NCKAP5: variants seen among roughly 807,000 people sequenced by gnomAD.
NCKAP5 encodes NCK associated protein 5.
In NCKAP5, 92 loss-of-function variants were observed where a neutral mutation model predicts 167.0. The observed-to-expected ratio is 0.55, with a 90% CI of 0.47 to 0.66. The LOEUF is 0.66. Ranked by LOEUF, NCKAP5 falls within the 30% of genes least tolerant of loss-of-function variation. The pLI is 0.00. For synonymous variants in NCKAP5, 891 were observed against 877.4 expected, an observed-to-expected ratio of 1.02 and a Z score of -0.27; for missense variants, 2,378 against 2,315.0, an observed-to-expected ratio of 1.03 and a Z score of -0.56.
rs530089385 is a variant in NCKAP5 at position 132,947,904 on chromosome 2, A to G, written c.579+15816T>C. On this transcript the variant is annotated intron_variant, in intron 8 of 19. Coordinates refer to ENST00000409261, the MANE Select transcript of NCKAP5 (RefSeq NM_207363.3). ...TATTCTTCGGGAAGGATTACTATAT[A>G]CCTTCTGCTATGAAATTAACCCCAG... 3.9e-5 allele frequency among the ~76,000 whole-genome samples: 6 copies of G among 152,172 alleles called. No homozygotes were observed. In the South Asian group the frequency reaches 1.2e-3, roughly 32 times the overall value.
the NCKAP5 span, among the ~76,000 whole-genome samples, chr2:133,590,851 G>A: frequency 9.9e-5 from 15 of 152,128 alleles, no homozygotes; most frequent in African/African-American, 3.4e-4. Context: ...TCATGTTTCC[G>A]AAAGTTTGTT....
chr2:132,965,659 T>C (rs2076637892), intron 7 of NCKAP5, among the ~76,000 whole-genome samples: 1 of 152,142 alleles, frequency 6.6e-6, no homozygotes. Flanking sequence ...ATTTCATCAT[T>C]GTGTAAACAT....
At chr2:133,588,073 G>A in the NCKAP5 span, among the ~76,000 whole-genome samples, 54 of 152,208 alleles carry the variant, frequency 3.5e-4, no homozygotes, top group South Asian at 0.011. Flanking sequence ...TTGATGCCAT[G>A]TCATAAGTGT....
chr2:133,113,791 C>A (rs1027377314), intron 6 of NCKAP5, among the ~76,000 whole-genome samples: 2 of 152,150 alleles, frequency 1.3e-5, no homozygotes, highest in Non-Finnish European at 2.9e-5. Context: ...AGGGTGTACA[C>A]ACATGTGCAC....
At chr2:132,705,397 C>CT (rs369071081) in intron 19 of NCKAP5, among the ~76,000 whole-genome samples, 13 of 152,266 alleles carry the variant, frequency 8.5e-5, no homozygotes, top group African/African-American at 3.1e-4. Flanking sequence ...TCCAATCAGA[C>CT]TACCCCTATC....
chr2:133,633,757 G>A, the NCKAP5 span, among the ~76,000 whole-genome samples: 2 of 152,180 alleles, frequency 1.3e-5, no homozygotes, highest in Non-Finnish European at 2.9e-5. Context: ...AGGGGGATTT[G>A]AACCCAAGTT....
chr2:133,296,292 T>C (rs111470027), intron 4 of NCKAP5, among the ~76,000 whole-genome samples: 1 of 152,064 alleles, frequency 6.6e-6, no homozygotes, highest in South Asian at 2.1e-4. Flanking sequence ...TTCGACTCCC[T>C]ATGATTTCAT....
At chr2:133,226,604 A>AACACACACACACACACACACAC (rs3051222) in intron 4 of NCKAP5, among the ~76,000 whole-genome samples, 42 of 139,258 alleles carry the variant, frequency 3.0e-4, no homozygotes, top group Non-Finnish European at 4.8e-4. Context: ...TTTGAAGATA[A>AACACACACACACACACACACAC]ACACACACAC....
At chr2:132,912,291 T>C (rs141123595) in intron 8 of NCKAP5, among the ~76,000 whole-genome samples, 1,632 of 152,266 alleles carry the variant, frequency 0.011, 24 homozygotes, top group African/African-American at 0.037. Context: ...CATCCTATCC[T>C]AGACTTGGTA....
At chr2:132,883,214 A>AC (rs1449944323) in intron 8 of NCKAP5, among the ~76,000 whole-genome samples, 1 of 150,868 alleles carries the variant, frequency 6.6e-6, no homozygotes, top group African/African-American at 2.5e-5. Context: ...ATACACACAC[A>AC]CACACACACA....
intron 16 of NCKAP5, among the ~76,000 whole-genome samples, chr2:132,764,030 T>C (rs16840912): frequency 0.056 from 8,477 of 152,196 alleles, 585 homozygotes; most frequent in Admixed American, 0.17. Flanking sequence ...AGCCATACTT[T>C]TAACACTGTA....
chr2:132,970,328 A>T (rs776250602), intron 7 of NCKAP5, among the ~76,000 whole-genome samples: 3 of 152,208 alleles, frequency 2.0e-5, no homozygotes, highest in Non-Finnish European at 4.4e-5. Flanking sequence ...TGTAGTGCTA[A>T]ATACTGTGTA....
At chr2:133,081,092 G>T (rs985863499) in intron 6 of NCKAP5, among the ~76,000 whole-genome samples, 2 of 152,102 alleles carry the variant, frequency 1.3e-5, no homozygotes, top group African/African-American at 4.8e-5. Context: ...ATGTGGTACA[G>T]TATGAAAGCA....
intron 6 of NCKAP5, among the ~76,000 whole-genome samples, chr2:133,080,303 C>T (rs960823825): frequency 1.3e-5 from 2 of 152,230 alleles, no homozygotes; most frequent in South Asian, 2.1e-4. Flanking sequence ...GTCAGGGCAA[C>T]TCTGGAATGA....
chr2:132,732,013 C>A lies in NCKAP5; in HGVS notation c.5167G>T (p.Gly1723Ter). 1 of 1,613,582 alleles carries A rather than the reference C, an allele frequency of 6.2e-7. No individual in the cohort carries two copies. ...CQMRTLDSGIGTFPLPDSGNR... is the reference protein window; with the variant it reads ...CQMRTLDSGI ...CCCGAGTCTGGGAGTGGAAAGGTTC[C>A]GATCCCACTGTCCAATGTTCTCATC... Residue 1723 changes from glycine to a stop codon, truncating the protein, a stop_gained, in exon 17 of 20, where the codon GGA becomes TGA. Transcript: ENST00000409261. LOFTEE classifies it high-confidence loss of function.
At chr2:132,983,656 T>C (rs1032623640) in intron 7 of NCKAP5, among the ~76,000 whole-genome samples, 3 of 152,184 alleles carry the variant, frequency 2.0e-5, no homozygotes, top group Non-Finnish European at 4.4e-5. Flanking sequence ...AAATACTGAG[T>C]ATTGTTTGCC....
At chr2:132,937,764 G>A (rs1696965350) in intron 8 of NCKAP5, among the ~76,000 whole-genome samples, 1 of 152,204 alleles carries the variant, frequency 6.6e-6, no homozygotes. Context: ...ACAGGATATA[G>A]TGGAATGTAA....
At chr2:132,740,807 A>C (rs1558994951) in intron 16 of NCKAP5, among the ~76,000 whole-genome samples, 3 of 152,106 alleles carry the variant, frequency 2.0e-5, no homozygotes, top group African/African-American at 7.2e-5. Flanking sequence ...TGAGTTGCAT[A>C]GGGGATGAAT....
chr2:133,409,167 A>G (rs1421595644), intron 3 of NCKAP5, among the ~76,000 whole-genome samples: 1 of 152,150 alleles, frequency 6.6e-6, no homozygotes, highest in Non-Finnish European at 1.5e-5. Flanking sequence ...CTACTGAGTT[A>G]TAATGAAAGC....
Sources: gnomAD v4.1 joint callset for allele counts (sites outside exome capture counted in the v4.1 genomes callset) on GRCh38, gnomAD v4.1.1 for gene constraint, MANE v1.5 for transcripts, NCBI Gene and HGNC (gene_info 2026-07-23, HGNC 2026-07-21) for gene names.